Variants in TAFA1 observed in about 807,000 individuals in gnomAD.
TAFA1 encodes the protein TAFA chemokine like family member 1, also known as chemokine-like protein TAFA-1.
In TAFA1, 4 loss-of-function variants were observed where a neutral mutation model predicts 18.5. That is an observed-to-expected ratio of 0.22 (90% confidence interval 0.11 to 0.49). The LOEUF is 0.49. TAFA1 is among the 20% of genes least tolerant of loss of function. The pLI is 0.98. For missense variants in TAFA1, 147 were observed against 169.0 expected, an observed-to-expected ratio of 0.87 and a Z score of 0.72; for synonymous variants, 56 against 55.2, an observed-to-expected ratio of 1.01 and a Z score of -0.06.
intron 2 of TAFA1, among the ~76,000 whole-genome samples, chr3:68,048,084 T>C (rs1331059337): frequency 6.6e-6 from 1 of 152,122 alleles, no homozygotes; most frequent in East Asian, 1.9e-4. Context: ...GAACTGCCTG[T>C]TTCCTTTCTT....
chr3:68,024,593 G>T lies in TAFA1; in HGVS notation c.118+17849G>T, dbSNP rs74363706. On this transcript the variant is annotated intron_variant, in intron 2 of 4. Coordinates refer to ENST00000478136, the MANE Select transcript of TAFA1 (RefSeq NM_213609.4). ...AAATAAGAGAAGAAAAAATGGGAAG[G>T]CTAGCCTGGTTTACCAACACTTCTG... Among the ~76,000 whole-genome samples the T allele has an allele frequency of 6.1e-3, 931 of 152,160 alleles. 39 individuals are homozygous for T. The East Asian group carries it at 0.12, about 20-fold the overall frequency.
chr3:68,526,512 G>A (rs1366110990), intron 3 of TAFA1, among the ~76,000 whole-genome samples: 1 of 152,100 alleles, frequency 6.6e-6, no homozygotes, highest in Non-Finnish European at 1.5e-5. Context: ...CAACTGCACA[G>A]TGGAATCAAC....
chr3:68,301,092 G>A (rs2068296265), intron 2 of TAFA1, among the ~76,000 whole-genome samples: 1 of 152,054 alleles, frequency 6.6e-6, no homozygotes, highest in East Asian at 1.9e-4. Flanking sequence ...CATTCACATG[G>A]TTTTAAAAAA....
At chr3:68,198,506 C>A (rs1030031150) in intron 2 of TAFA1, among the ~76,000 whole-genome samples, 2 of 151,632 alleles carry the variant, frequency 1.3e-5, no homozygotes, top group Non-Finnish European at 1.5e-5. Context: ...TTAAGAGTTC[C>A]TGTTGTTCCA....
intron 2 of TAFA1, among the ~76,000 whole-genome samples, chr3:68,412,826 G>A (rs1297294546): frequency 1.7e-4 from 26 of 152,182 alleles, no homozygotes; most frequent in East Asian, 1.4e-3. Flanking sequence ...GAATAGTGCC[G>A]CAATAAACAT....
At chr3:68,019,964 C>T (rs1704653945) in intron 2 of TAFA1, among the ~76,000 whole-genome samples, 2 of 152,188 alleles carry the variant, frequency 1.3e-5, no homozygotes, top group African/African-American at 4.8e-5. Context: ...TATAGTTCTC[C>T]AGTCATTGAG....
chr3:68,071,579 T>C, intron 2 of TAFA1, among the ~76,000 whole-genome samples: 1 of 152,292 alleles, frequency 6.6e-6, no homozygotes, highest in Non-Finnish European at 1.5e-5. Flanking sequence ...GAGCTCCAGC[T>C]CTCGTGCCAG....
At chr3:68,544,360 C>T in intron 4 of TAFA1, 126 bp from the exon 5 acceptor site, 1 of 890,126 alleles carries the variant, frequency 1.1e-6, no homozygotes, top group South Asian at 1.6e-5. Context: ...TTTTTGACTT[C>T]AGATCACCTG....
At chr3:68,357,653 G>C (rs549867043) in intron 2 of TAFA1, among the ~76,000 whole-genome samples, 2 of 152,030 alleles carry the variant, frequency 1.3e-5, no homozygotes, top group African/African-American at 4.8e-5. Flanking sequence ...GCTGAGACTA[G>C]ACACAGGGGG....
At chr3:68,222,080 G>A (rs2066738379) in intron 2 of TAFA1, among the ~76,000 whole-genome samples, 1 of 152,108 alleles carries the variant, frequency 6.6e-6, no homozygotes, top group Non-Finnish European at 1.5e-5. Context: ...TTCTATTGAG[G>A]ATGAGAGGAG....
In TAFA1 at chr3:68,545,291, T is replaced by A. The variant is rs1259481560; in HGVS notation, c.*788T>A. ...GATTCTTAAGGGAGCCACTCCACCA[T>A]GCTATTAAGACTCTGGCAGAGTTAT... On this transcript the variant is annotated 3_prime_UTR_variant, in exon 5 of 5. Transcript: ENST00000478136. The A allele has an allele frequency of 6.6e-6, 1 of 152,578 alleles. No homozygotes were observed. Among genetic ancestry groups the A allele is most frequent in the African/African-American group, 2.4e-5 (1 of 41,428 alleles). 9.5% of individuals were successfully genotyped at this position (152,578 alleles called of 1,614,324 possible). A position where few individuals can be genotyped will look rare whatever the true frequency, so the allele number is the denominator to read the frequency against.
chr3:68,381,162 G>T (rs2069943217), intron 2 of TAFA1, among the ~76,000 whole-genome samples: 1 of 142,832 alleles, frequency 7.0e-6, no homozygotes, highest in African/African-American at 2.6e-5. Context: ...ATGCTGTTTT[G>T]GTTACTGTAG....
At chr3:68,079,169 A>G (rs1187928565) in intron 2 of TAFA1, among the ~76,000 whole-genome samples, 1 of 152,114 alleles carries the variant, frequency 6.6e-6, no homozygotes, top group Non-Finnish European at 1.5e-5. Context: ...CCCCTTTATC[A>G]TTTTTTATTG....
chr3:68,064,016 A>G (rs1036180359), intron 2 of TAFA1, among the ~76,000 whole-genome samples: 1 of 152,192 alleles, frequency 6.6e-6, no homozygotes, highest in Non-Finnish European at 1.5e-5. Context: ...ACAGGAATTC[A>G]GCTGGAATCC....
intron 2 of TAFA1, among the ~76,000 whole-genome samples, chr3:68,405,147 A>G (rs573291323): frequency 6.6e-6 from 1 of 152,248 alleles, no homozygotes; most frequent in East Asian, 1.9e-4. Context: ...TATCTTCATA[A>G]AGGAGTTTGT....
rs74763882 is a variant in TAFA1 at position 68,083,796 on chromosome 3, T to A, written c.118+77052T>A. Among the ~76,000 whole-genome samples the A allele has an allele frequency of 9.2e-5, 14 of 151,614 alleles. No homozygotes were observed. The East Asian group carries it at 2.5e-3, about 27-fold the overall frequency. ...ACTAGCTGACATTCAGCCTTGATAT[T>A]TTTTTTTTCTCTCCCTCAGCTTCGG... is the stretch of plus-strand genomic sequence containing the variant. On this transcript the variant is annotated intron_variant, in intron 2 of 4. Transcript: ENST00000478136.
rs1001872217 is a variant in TAFA1, at chr3:68,223,509, T to C, written c.119-193771T>C. 2.0e-5 allele frequency among the ~76,000 whole-genome samples: 3 copies of C among 150,148 alleles called. No individual in the cohort carries two copies. The South Asian group carries it at 6.4e-4, about 32-fold the overall frequency. On this transcript the variant is annotated intron_variant, in intron 2 of 4. Coordinates refer to ENST00000478136, the MANE Select transcript of TAFA1 (RefSeq NM_213609.4). ...ATATGTATGTATGTGTCTACGCCTG[T>C]ATGTACATAAGCCTGTTAGGACCAT...
chr3:68,256,416 C>T (rs752184705), intron 2 of TAFA1, among the ~76,000 whole-genome samples: 2 of 152,130 alleles, frequency 1.3e-5, no homozygotes, highest in African/African-American at 2.4e-5. Flanking sequence ...GGCTACCTAA[C>T]ATGTTTGTGC....
intron 2 of TAFA1, among the ~76,000 whole-genome samples, chr3:68,315,267 A>G (rs2068588308): frequency 6.6e-6 from 1 of 152,144 alleles, no homozygotes; most frequent in Non-Finnish European, 1.5e-5. Flanking sequence ...TCCACAGAAA[A>G]CTTGTCCGAG....
Sources: gnomAD v4.1 joint callset for allele counts (sites outside exome capture counted in the v4.1 genomes callset) on GRCh38, gnomAD v4.1.1 for gene constraint, MANE v1.5 for transcripts, NCBI Gene and HGNC (gene_info 2026-07-23, HGNC 2026-07-21) for gene names.